Variants in REDIC1 observed in about 807,000 individuals in gnomAD.
REDIC1 encodes the protein regulator of DNA class I crossover intermediates 1, also known as HEI10 Interacting Protein 1.
the REDIC1 span, among the ~76,000 whole-genome samples, chr12:39,778,538 G>A: frequency 1.3e-5 from 2 of 152,158 alleles, no homozygotes; most frequent in African/African-American, 4.8e-5. Flanking sequence ...CTCTTGATAA[G>A]TTATATTATT....
the REDIC1 span, among the ~76,000 whole-genome samples, chr12:39,874,670 T>C: frequency 6.6e-6 from 1 of 150,696 alleles, no homozygotes; most frequent in Non-Finnish European, 1.5e-5. Flanking sequence ...TGTAAGGCTA[T>C]AGCAGAAGCT....
At chr12:39,714,569 G>A in the REDIC1 span, among the ~76,000 whole-genome samples, 5,117 of 151,542 alleles carry the variant, frequency 0.034, 302 homozygotes, top group African/African-American at 0.12. Context: ...TTTTCCTCTG[G>A]GTGGATACCC....
the REDIC1 span, chr12:39,721,013 C>T: frequency 6.2e-7 from 1 of 1,613,652 alleles, no homozygotes; most frequent in Admixed American, 1.7e-5. Context: ...TGCAATTCAG[C>T]CCACATTTTG....
At chr12:39,732,537 C>G in the REDIC1 span, among the ~76,000 whole-genome samples, 2 of 152,086 alleles carry the variant, frequency 1.3e-5, no homozygotes, top group African/African-American at 4.8e-5. Context: ...ATGTCATTTT[C>G]ACTTATTTAC....
chr12:39,750,298 T>C, the REDIC1 span, among the ~76,000 whole-genome samples: 3 of 152,110 alleles, frequency 2.0e-5, no homozygotes, highest in African/African-American at 7.2e-5. Context: ...AAATCATGAG[T>C]GAACTCCCAT....
the REDIC1 span, among the ~76,000 whole-genome samples, chr12:39,873,675 C>CA: frequency 1.3e-5 from 2 of 152,072 alleles, no homozygotes; most frequent in Non-Finnish European, 2.9e-5. Flanking sequence ...TTGATGCTTT[C>CA]ATTTTCAATA....
At chr12:39,670,747 T>C in the REDIC1 span, among the ~76,000 whole-genome samples, 3 of 151,756 alleles carry the variant, frequency 2.0e-5, no homozygotes, top group South Asian at 2.1e-4. Flanking sequence ...CTTCTTCTTT[T>C]TTTTTTTTTT....
chr12:39,845,816 GT>G, the REDIC1 span, among the ~76,000 whole-genome samples: 4 of 152,286 alleles, frequency 2.6e-5, no homozygotes, highest in East Asian at 7.7e-4. Flanking sequence ...GGGAAGTGGT[GT>G]TGGGGTGGGT....
At chr12:39,675,814 A>G in the REDIC1 span, among the ~76,000 whole-genome samples, 1 of 152,322 alleles carries the variant, frequency 6.6e-6, no homozygotes, top group Admixed American at 6.5e-5. Flanking sequence ...CCCAGCACCA[A>G]CCTGGAGCCT....
the REDIC1 span, among the ~76,000 whole-genome samples, chr12:39,679,390 A>C: frequency 3.9e-5 from 6 of 152,282 alleles, no homozygotes; most frequent in African/African-American, 1.4e-4. Context: ...CAAATCAAGA[A>C]CTCAACCCCT....
the REDIC1 span, among the ~76,000 whole-genome samples, chr12:39,689,236 T>G: frequency 1.3e-5 from 2 of 152,218 alleles, no homozygotes; most frequent in African/African-American, 2.4e-5. Context: ...TGGAAAGGAC[T>G]GGGTCTCTGA....
the REDIC1 span, among the ~76,000 whole-genome samples, chr12:39,635,921 G>T: frequency 2.0e-5 from 3 of 152,190 alleles, no homozygotes; most frequent in Non-Finnish European, 1.5e-5. Context: ...TACGAAGTTT[G>T]TACCTATAAA....
chr12:39,867,633 T>C, the REDIC1 span, among the ~76,000 whole-genome samples: 1 of 152,208 alleles, frequency 6.6e-6, no homozygotes, highest in Non-Finnish European at 1.5e-5. Context: ...ATTCTGTATA[T>C]AGAAAATTCC....
At chr12:39,895,241 C>A in the REDIC1 span, among the ~76,000 whole-genome samples, 2 of 151,598 alleles carry the variant, frequency 1.3e-5, no homozygotes, top group Non-Finnish European at 2.9e-5. Context: ...CTGAATAAGT[C>A]ATTTAAAAAA....
At chr12:39,711,523 A>ATATACATATATG in the REDIC1 span, among the ~76,000 whole-genome samples, 18 of 140,354 alleles carry the variant, frequency 1.3e-4, no homozygotes, top group African/African-American at 4.7e-4. Flanking sequence ...ATATATGTGT[A>ATATACATATATG]TATGTGTATA....
At chr12:39,673,344 T>TTA in the REDIC1 span, among the ~76,000 whole-genome samples, 1 of 152,216 alleles carries the variant, frequency 6.6e-6, no homozygotes, top group Non-Finnish European at 1.5e-5. Context: ...CTGGCCCCTG[T>TTA]TATTTCATTT....
chr12:39,685,000 G>A, the REDIC1 span: 12 of 1,050,726 alleles, frequency 1.1e-5, no homozygotes, highest in Admixed American at 9.0e-5. Flanking sequence ...TGTATTTAAC[G>A]TTCACTTTGA....
At chr12:39,683,023 T>C in the REDIC1 span, 1 of 1,613,160 alleles carries the variant, frequency 6.2e-7, no homozygotes, top group African/African-American at 1.3e-5. Flanking sequence ...TAAAACAAGT[T>C]ATCCAGAAAA....
At chr12:39,764,342 A>C in the REDIC1 span, 8 of 891,664 alleles carry the variant, frequency 9.0e-6, no homozygotes, top group African/African-American at 1.0e-4. Context: ...AGCCACATGG[A>C]GATACTTATA....
Sources: allele counts gnomAD v4.1 joint callset (sites outside exome capture counted in the v4.1 genomes callset), GRCh38; gene constraint gnomAD v4.1.1; transcripts MANE v1.5; gene names NCBI Gene and HGNC (gene_info 2026-07-23, HGNC 2026-07-21).